The following RANBP2 variants were observed in gnomAD, a reference collection of about 807,000 sequenced individuals.
RANBP2 encodes E3 SUMO-protein ligase RanBP2.
RANBP2 carries 57 observed loss-of-function variants against 303.6 expected under a neutral mutation model. That is an observed-to-expected ratio of 0.19 (90% CI 0.15 to 0.23). The LOEUF (loss-of-function observed/expected upper bound fraction) is 0.23. Among genes scored for constraint, RANBP2 ranks in the 10% least tolerant of loss-of-function variants. The pLI, the probability that RANBP2 is intolerant of heterozygous loss-of-function variation, is 1.00. For missense variants in RANBP2, 3,138 were observed against 3,780.8 expected, an observed-to-expected ratio of 0.83 and a Z score of 4.46; for synonymous variants, 1,167 against 1,301.5, an observed-to-expected ratio of 0.90 and a Z score of 2.23.
the RANBP2 span, among the ~76,000 whole-genome samples, chr2:108,975,622 C>A: frequency 6.6e-6 from 1 of 152,114 alleles, no homozygotes; most frequent in South Asian, 2.1e-4. Context: ...CAGCCAGCAC[C>A]AATAAGCCTA....
At chr2:109,200,969 C>A in the RANBP2 span, among the ~76,000 whole-genome samples, 1 of 152,174 alleles carries the variant, frequency 6.6e-6, no homozygotes, top group Non-Finnish European at 1.5e-5. Flanking sequence ...CCCACACTGG[C>A]ACCCGGGCTG....
At chr2:108,996,066 T>C in the RANBP2 span, among the ~76,000 whole-genome samples, 1 of 152,258 alleles carries the variant, frequency 6.6e-6, no homozygotes, top group African/African-American at 2.4e-5. Context: ...TTAGCTTTCA[T>C]ATCAGTTCTG....
At chr2:109,334,855 G>A in the RANBP2 span, among the ~76,000 whole-genome samples, 3 of 152,212 alleles carry the variant, frequency 2.0e-5, no homozygotes, top group African/African-American at 7.2e-5. Flanking sequence ...TCCAGGACAG[G>A]TGGACTACAT....
At chr2:109,119,327 C>T in the RANBP2 span, among the ~76,000 whole-genome samples, 1 of 152,252 alleles carries the variant, frequency 6.6e-6, no homozygotes, top group African/African-American at 2.4e-5. Context: ...TCCCATTGCT[C>T]TTCCCCCGAG....
the RANBP2 span, among the ~76,000 whole-genome samples, chr2:109,409,464 G>A: frequency 6.6e-6 from 1 of 152,198 alleles, no homozygotes; most frequent in Non-Finnish European, 1.5e-5. Context: ...AGAACACTGG[G>A]CCAGATCCAA....
At chr2:109,476,099 G>A in the RANBP2 span, among the ~76,000 whole-genome samples, 5 of 152,266 alleles carry the variant, frequency 3.3e-5, no homozygotes, top group South Asian at 1.0e-3. Context: ...CAGATCTCAG[G>A]TTAAGTGTTC....
At chr2:108,949,541 C>T in the RANBP2 span, among the ~76,000 whole-genome samples, 3 of 152,196 alleles carry the variant, frequency 2.0e-5, no homozygotes, top group African/African-American at 7.2e-5. Context: ...TAGCTAACAG[C>T]CTCCAAACCA....
the RANBP2 span, among the ~76,000 whole-genome samples, chr2:109,676,908 G>C: frequency 6.6e-6 from 1 of 152,102 alleles, no homozygotes; most frequent in East Asian, 1.9e-4. Context: ...CACTTTTGAA[G>C]GTAGACAAAG....
At chr2:108,879,758 T>TAG in the RANBP2 span, among the ~76,000 whole-genome samples, 2 of 152,148 alleles carry the variant, frequency 1.3e-5, no homozygotes, top group Admixed American at 1.3e-4. Flanking sequence ...TTGTTGTGAC[T>TAG]AGAGCTCTGT....
At chr2:109,444,229 G>T in the RANBP2 span, among the ~76,000 whole-genome samples, 7 of 152,162 alleles carry the variant, frequency 4.6e-5, no homozygotes, top group African/African-American at 1.7e-4. Flanking sequence ...CAGTGAACTT[G>T]GGAAGCTAAC....
the RANBP2 span, among the ~76,000 whole-genome samples, chr2:109,722,544 G>T: frequency 6.6e-6 from 1 of 152,160 alleles, no homozygotes; most frequent in Non-Finnish European, 1.5e-5. Context: ...ATAGATAAAC[G>T]TGTGCCATGG....
intron 23 of RANBP2, 65 bp downstream of exon 23, chr2:108,773,111 G>T: frequency 1.4e-6 from 2 of 1,466,394 alleles, no homozygotes; most frequent in South Asian, 1.2e-5. Context: ...GTAAACTTTA[G>T]AATGTTCTTA....
At chr2:109,073,681 A>G in the RANBP2 span, among the ~76,000 whole-genome samples, 6 of 150,454 alleles carry the variant, frequency 4.0e-5, no homozygotes, top group South Asian at 1.1e-3. Flanking sequence ...AAGAAAAAAA[A>G]AGAGAGAGAG....
chr2:108,810,120 T>C, the RANBP2 span, among the ~76,000 whole-genome samples: 1 of 152,220 alleles, frequency 6.6e-6, no homozygotes, highest in Non-Finnish European at 1.5e-5. Flanking sequence ...ATTTCCAATT[T>C]GGATGTCTTT....
the RANBP2 span, chr2:109,348,026 C>T: frequency 6.7e-7 from 1 of 1,497,656 alleles, no homozygotes; most frequent in Non-Finnish European, 9.0e-7. Flanking sequence ...AGCCACAGAC[C>T]TATAGCCAGA....
the RANBP2 span, chr2:109,618,952 T>C: frequency 2.4e-5 from 4 of 167,112 alleles, 1 homozygote; most frequent in South Asian, 4.1e-4. Context: ...GTAAAATCTG[T>C]AAAGTTTGTT....
chr2:109,053,757 G>A, the RANBP2 span, among the ~76,000 whole-genome samples: 3 of 152,332 alleles, frequency 2.0e-5, no homozygotes, highest in East Asian at 3.9e-4. Context: ...CTATAAACAG[G>A]GGTAAGGACT....
At chr2:109,376,823 C>T in the RANBP2 span, among the ~76,000 whole-genome samples, 1,859 of 152,338 alleles carry the variant, frequency 0.012, 38 homozygotes, top group African/African-American at 0.037. Flanking sequence ...CAGCCAGCAT[C>T]TCAGCATCTC....
chr2:109,003,662 C>T, the RANBP2 span, among the ~76,000 whole-genome samples: 2 of 152,078 alleles, frequency 1.3e-5, no homozygotes, highest in Non-Finnish European at 2.9e-5. Flanking sequence ...CTGCCCACCT[C>T]GGCCTCCCAA....
Sources: allele counts gnomAD v4.1 joint callset (sites outside exome capture counted in the v4.1 genomes callset), GRCh38; gene constraint gnomAD v4.1.1; transcripts MANE v1.5; gene names NCBI Gene and HGNC (gene_info 2026-07-23, HGNC 2026-07-21).